The following BRINP3 variants were observed in gnomAD, a reference collection of about 807,000 sequenced individuals.
BRINP3 encodes the protein BMP/retinoic acid-inducible neural-specific protein 3.
Under a neutral mutation model 71.0 loss-of-function variants are expected in BRINP3, and 19 were observed. The observed-to-expected ratio is 0.27, with a 90% CI of 0.19 to 0.39. The LOEUF (loss-of-function observed/expected upper bound fraction) is 0.39. Ranked by LOEUF, BRINP3 falls within the 10% of genes least tolerant of loss-of-function variation. The pLI is 1.00. For synonymous variants in BRINP3, 380 were observed against 337.7 expected, an observed-to-expected ratio of 1.13 and a Z score of -1.37; for missense variants, 959 against 940.8, an observed-to-expected ratio of 1.02 and a Z score of -0.25.
chr1:190,392,205 A>G (rs1178544219), intron 2 of BRINP3, among the ~76,000 whole-genome samples: 2 of 151,714 alleles, frequency 1.3e-5, no homozygotes, highest in East Asian at 3.9e-4. Context: ...ATAAACATTC[A>G]ACTAAAGTAA....
At chr1:190,333,644 C>T (rs1038984379) in intron 2 of BRINP3, among the ~76,000 whole-genome samples, 9 of 151,832 alleles carry the variant, frequency 5.9e-5, no homozygotes, top group Non-Finnish European at 1.5e-5. Context: ...CTATGAATAG[C>T]TTGTAGGACT....
At chr1:190,452,648 C>G (rs1358406789) in intron 2 of BRINP3, among the ~76,000 whole-genome samples, 2 of 152,108 alleles carry the variant, frequency 1.3e-5, no homozygotes, top group Non-Finnish European at 1.5e-5. Context: ...CACTTGAAGT[C>G]AGAAGTTCAA....
intron 2 of BRINP3, among the ~76,000 whole-genome samples, chr1:190,299,721 C>T (rs1456514136): frequency 6.6e-6 from 1 of 151,776 alleles, no homozygotes; most frequent in Non-Finnish European, 1.5e-5. Flanking sequence ...GCGCTTCCTT[C>T]AGGAGCTCTT....
intron 2 of BRINP3, among the ~76,000 whole-genome samples, chr1:190,425,866 CCTCT>C (rs1338622319): frequency 2.6e-5 from 4 of 151,748 alleles, no homozygotes; most frequent in African/African-American, 4.8e-5. Flanking sequence ...ATAAAATCTT[CCTCT>C]CTAACGGTAT....
chr1:190,178,236 G>A lies in BRINP3; in HGVS notation c.962-17346C>T, dbSNP rs35725761. Among the ~76,000 whole-genome samples the A allele has an allele frequency of 4.4e-3, 671 of 152,158 alleles. 3 individuals are homozygous for A. Among genetic ancestry groups the A allele is most frequent in the African/African-American group, 0.015 (641 of 41,518 alleles). ...ACTATGGACCTATAATTTCTAAATC[G>A]TGTAGAAAGATAGGATATCATAGAT... On this transcript the variant is annotated intron_variant, in intron 6 of 7. Transcript: ENST00000367462.
chr1:190,232,306 A>G (rs1163813611), intron 5 of BRINP3, among the ~76,000 whole-genome samples: 1 of 152,060 alleles, frequency 6.6e-6, no homozygotes, highest in Non-Finnish European at 1.5e-5. Flanking sequence ...CACCATGGTA[A>G]CATTGATCCA....
At chr1:190,280,913 C>G (rs1662986522) in intron 3 of BRINP3, among the ~76,000 whole-genome samples, 1 of 151,750 alleles carries the variant, frequency 6.6e-6, no homozygotes. Flanking sequence ...CCTAAAAGGT[C>G]ATTTAAGTAT....
intron 2 of BRINP3, among the ~76,000 whole-genome samples, chr1:190,421,293 T>TTATTATTATTAC (rs1673363014): frequency 9.4e-6 from 1 of 106,158 alleles, no homozygotes; most frequent in Non-Finnish European, 2.2e-5. Flanking sequence ...AAGATTCTCA[T>TTATTATTATTAC]TATTATTATT....
chr1:190,306,856 T>C (rs1347041382), intron 2 of BRINP3, among the ~76,000 whole-genome samples: 9 of 152,030 alleles, frequency 5.9e-5, no homozygotes, highest in Non-Finnish European at 1.3e-4. Context: ...TTGAATAGTT[T>C]AGAATATTTA....
At chr1:190,281,301 G>C (rs1663017811) in intron 3 of BRINP3, among the ~76,000 whole-genome samples, 1 of 151,882 alleles carries the variant, frequency 6.6e-6, no homozygotes, top group African/African-American at 2.4e-5. Flanking sequence ...CTTACAGAGT[G>C]CAACAATTAT....
intron 2 of BRINP3, among the ~76,000 whole-genome samples, chr1:190,358,692 GC>G (rs1291701867): frequency 6.6e-6 from 1 of 152,052 alleles, no homozygotes; most frequent in Non-Finnish European, 1.5e-5. Context: ...AAATCATGCT[GC>G]TATAAAGACA....
intron 6 of BRINP3, among the ~76,000 whole-genome samples, chr1:190,170,079 A>T (rs571122575): frequency 9.9e-4 from 150 of 152,172 alleles, no homozygotes; most frequent in African/African-American, 3.4e-3. Context: ...TTGACAGGAA[A>T]ATAAAATTAT....
At chr1:190,196,706 A>T (rs1336788069) in intron 6 of BRINP3, among the ~76,000 whole-genome samples, 1 of 151,558 alleles carries the variant, frequency 6.6e-6, no homozygotes, top group Admixed American at 6.6e-5. Flanking sequence ...TCTTAAGAAA[A>T]TTTTCATGAA....
chr1:190,198,810 T>G (rs1454285978), intron 6 of BRINP3, among the ~76,000 whole-genome samples: 2 of 152,158 alleles, frequency 1.3e-5, no homozygotes, highest in Admixed American at 6.5e-5. Context: ...TTCCTATACC[T>G]TCCTGTCTTT....
At chr1:190,153,027 G>A (rs1656553279) in intron 7 of BRINP3, among the ~76,000 whole-genome samples, 1 of 152,142 alleles carries the variant, frequency 6.6e-6, no homozygotes, top group Admixed American at 6.6e-5. Flanking sequence ...TAGAGCCATG[G>A]TGGCTGAAAT....
intron 7 of BRINP3, among the ~76,000 whole-genome samples, chr1:190,113,231 CTTAA>C (rs1400704747): frequency 7.2e-5 from 11 of 152,092 alleles, no homozygotes; most frequent in African/African-American, 2.4e-4. Flanking sequence ...CCTCCTCATC[CTTAA>C]TTAATAATTA....
At position 190,231,737 on chromosome 1, in the gene BRINP3, C is replaced by T. The variant is rs964006476; in HGVS notation, c.724+2635G>A. ...TGGCTCTTTTAATTTTTGAAAAATG[C>T]CTGCTCTGTAATCTTATCAGCAAAA... is the stretch of plus-strand genomic sequence containing the variant. On this transcript the variant is annotated intron_variant, in intron 5 of 7. Transcript: ENST00000367462. 7.3e-5 allele frequency among the ~76,000 whole-genome samples: 11 copies of T among 151,672 alleles called. No individual in the cohort carries two copies. In the South Asian group the frequency reaches 8.3e-4, roughly 11 times the overall value.
intron 6 of BRINP3, among the ~76,000 whole-genome samples, chr1:190,166,019 T>C (rs1441330895): frequency 2.0e-5 from 3 of 152,178 alleles, no homozygotes; most frequent in Non-Finnish European, 4.4e-5. Flanking sequence ...AAGGGACTAT[T>C]TCAATGATTT....
At chr1:190,389,128 AG>A (rs1671089536) in intron 2 of BRINP3, among the ~76,000 whole-genome samples, 1 of 151,820 alleles carries the variant, frequency 6.6e-6, no homozygotes, top group African/African-American at 2.4e-5. Context: ...CAAAAAATAA[AG>A]AAAAAATATT....
Sources: allele counts gnomAD v4.1 joint callset (sites outside exome capture counted in the v4.1 genomes callset), GRCh38; gene constraint gnomAD v4.1.1; transcripts MANE v1.5; gene names NCBI Gene and HGNC (gene_info 2026-07-23, HGNC 2026-07-21).